Variants in PRKAG2 observed in about 807,000 individuals in gnomAD.
The protein encoded by PRKAG2 is protein kinase AMP-activated non-catalytic subunit gamma 2, also known as 5'-AMP-activated protein kinase subunit gamma-2.
In PRKAG2, 26 loss-of-function variants were observed where a neutral mutation model predicts 69.6. The observed-to-expected ratio is 0.37, with a 90% confidence interval of 0.27 to 0.52. The LOEUF is 0.52. Ranked by LOEUF, PRKAG2 falls within the 20% of genes least tolerant of loss-of-function variation. The pLI, the probability that PRKAG2 is intolerant of heterozygous loss-of-function variation, is 0.90. For missense variants in PRKAG2, 557 were observed against 740.0 expected, an observed-to-expected ratio of 0.75 and a Z score of 2.87; for synonymous variants, 293 against 285.0, an observed-to-expected ratio of 1.03 and a Z score of -0.28.
chr7:151,728,102 G>T (rs143421651), intron 3 of PRKAG2, among the ~76,000 whole-genome samples: 1 of 152,234 alleles, frequency 6.6e-6, no homozygotes, highest in Non-Finnish European at 1.5e-5. Flanking sequence ...CGGGAGGGGA[G>T]ACGCCACCTC....
chr7:151,760,277 C>A (rs1016324737), intron 3 of PRKAG2, among the ~76,000 whole-genome samples: 2 of 152,138 alleles, frequency 1.3e-5, no homozygotes, highest in Non-Finnish European at 2.9e-5. Context: ...TTGCTCTGTT[C>A]CCAGGCTAGA....
chr7:151,590,386 G>A (rs1458499820), intron 6 of PRKAG2, among the ~76,000 whole-genome samples: 4 of 152,242 alleles, frequency 2.6e-5, no homozygotes, highest in African/African-American at 9.6e-5. Flanking sequence ...TGGATGCACA[G>A]GCGGAATTGG....
chr7:151,725,850 G>A (rs1166064659), intron 3 of PRKAG2, among the ~76,000 whole-genome samples: 1 of 152,162 alleles, frequency 6.6e-6, no homozygotes, highest in African/African-American at 2.4e-5. Context: ...CTATGTCACT[G>A]CACCTCGAAA....
chr7:151,751,519 A>ATTTT (rs1340443294), intron 3 of PRKAG2, among the ~76,000 whole-genome samples: 23 of 149,918 alleles, frequency 1.5e-4, no homozygotes, highest in Middle Eastern at 3.5e-3. Context: ...TTATTTATTT[A>ATTTT]TTTTTTTGAG....
intron 3 of PRKAG2, among the ~76,000 whole-genome samples, chr7:151,726,168 TG>T (rs1440163772): frequency 6.6e-6 from 1 of 152,024 alleles, no homozygotes; most frequent in Non-Finnish European, 1.5e-5. Context: ...GCTCAGGACA[TG>T]GGGCGCTGGG....
chr7:151,710,488 G>A (rs962783088), intron 3 of PRKAG2, among the ~76,000 whole-genome samples: 5 of 152,242 alleles, frequency 3.3e-5, no homozygotes, highest in African/African-American at 9.6e-5. Flanking sequence ...GAAGCTCTGC[G>A]GTGACCCCAT....
At chr7:151,744,365 G>A (rs2074126875) in intron 3 of PRKAG2, among the ~76,000 whole-genome samples, 1 of 152,138 alleles carries the variant, frequency 6.6e-6, no homozygotes, top group African/African-American at 2.4e-5. Context: ...TGGTGAATGG[G>A]ACTCTGGGTC....
intron 3 of PRKAG2, among the ~76,000 whole-genome samples, chr7:151,710,657 C>T (rs1027130688): frequency 3.3e-5 from 5 of 152,198 alleles, no homozygotes; most frequent in Admixed American, 1.3e-4. Flanking sequence ...AAGAGGGCAC[C>T]GCTCACACAC....
intron 5 of PRKAG2, among the ~76,000 whole-genome samples, chr7:151,624,653 G>A (rs118070323): frequency 1.4e-4 from 22 of 152,172 alleles, no homozygotes; most frequent in Non-Finnish European, 2.5e-4. Flanking sequence ...TTCCGCAGGC[G>A]AGCCATCCCA....
At chr7:151,731,250 G>A (rs1285107268) in intron 3 of PRKAG2, among the ~76,000 whole-genome samples, 1 of 152,214 alleles carries the variant, frequency 6.6e-6, no homozygotes, top group African/African-American at 2.4e-5. Flanking sequence ...CTCGTCACTT[G>A]TCTAGCGCCT....
At chr7:151,791,143 TC>T (rs1340480343) in intron 1 of PRKAG2, among the ~76,000 whole-genome samples, 1 of 152,012 alleles carries the variant, frequency 6.6e-6, no homozygotes, top group Non-Finnish European at 1.5e-5. Flanking sequence ...GCTGGAAGGC[TC>T]CCCACCCCCA....
At chr7:151,558,952 G>C in intron 15 of PRKAG2, 1 of 985,452 alleles carries the variant, frequency 1.0e-6, no homozygotes, top group Non-Finnish European at 1.2e-6. Flanking sequence ...AATGCCCAAA[G>C]AGACAGACAA....
In PRKAG2 at chr7:151,835,885, T is replaced by C. The variant is rs981356052; in HGVS notation, c.114+40622A>G. The stretch of plus-strand genomic sequence containing the variant: ...CATCTGTCCCACAAAGGGCAGCCTT[T>C]CCGTATTCAAGAGTGGGGTGCAGCT... On this transcript the variant is annotated intron_variant, in intron 1 of 15. Coordinates refer to ENST00000287878, the MANE Select transcript of PRKAG2 (RefSeq NM_016203.4). The surrounding 1 kb of genome is among the most constrained non-coding windows in gnomAD (Gnocchi z 4.1). Among the ~76,000 whole-genome samples, 1 of 152,180 alleles carries C rather than the reference T, an allele frequency of 6.6e-6. No individual in the cohort carries two copies. The highest frequency in any genetic ancestry group is 1.9e-4 in the East Asian group (1 of 5,182).
Position 151,583,935 on chromosome 7 carries a change from G to C in PRKAG2, c.865-7483C>G, listed in dbSNP as rs1811053951. Among the ~76,000 whole-genome samples the C allele has an allele frequency of 6.6e-6, 1 of 152,178 alleles. No homozygotes were observed. Among genetic ancestry groups the C allele is most frequent in the Non-Finnish European group, 1.5e-5 (1 of 68,036 alleles). Reference sequence around the variant, plus strand: ...GAGAACATCTGTGTTCCCCAGAATGGGAAGCTGGTTCCTCTGATGCCTCAC... The same window carrying C: ...GAGAACATCTGTGTTCCCCAGAATGCGAAGCTGGTTCCTCTGATGCCTCAC... On this transcript the variant is annotated intron_variant, in intron 6 of 15. Transcript: ENST00000287878. The surrounding 1 kb of genome is among the most constrained non-coding windows in gnomAD (Gnocchi z 4.1).
At chr7:151,687,788 C>T (rs1834953095) in intron 3 of PRKAG2, among the ~76,000 whole-genome samples, 1 of 152,212 alleles carries the variant, frequency 6.6e-6, no homozygotes, top group Non-Finnish European at 1.5e-5. Context: ...GACCTCATCC[C>T]TGTGGAATGT....
At position 151,772,984 on chromosome 7, in the gene PRKAG2, T is replaced by TGAAAGAAAGAAAGAAA. The variant is rs1257330966; in HGVS notation, c.466+8152_466+8167dup. On this transcript the variant is annotated intron_variant, in intron 3 of 15. Coordinates refer to ENST00000287878, the MANE Select transcript of PRKAG2 (RefSeq NM_016203.4). ...GACAGAGACCCTGTCTCTAAATGAATGAAAGAAAGAAAGAAAGAAAGAAAG... is the reference window on the plus strand; with the variant it reads ...GACAGAGACCCTGTCTCTAAATGAATGAAAGAAAGAAAGAAAGAAAGAAAGAAAGAAAGAAAGAAAG... Among the ~76,000 whole-genome samples, 31 of 71,830 alleles carry TGAAAGAAAGAAAGAAA rather than the reference T, an allele frequency of 4.3e-4. 3 individuals carry two copies. The highest frequency in any genetic ancestry group is 1.3e-3 in the South Asian group (2 of 1,598). 47.1% of individuals were successfully genotyped at this position (71,830 alleles called of 152,430 possible). A position where few individuals can be genotyped will look rare whatever the true frequency, so the allele number is the denominator to read the frequency against.
At chr7:151,821,053 G>GTAGAAGAGAGCCTCCAACCTCACAGA (rs1216334379) in intron 1 of PRKAG2, among the ~76,000 whole-genome samples, 1 of 151,934 alleles carries the variant, frequency 6.6e-6, no homozygotes, top group African/African-American at 2.4e-5. Context: ...CAGAAGGAAA[G>GTAGAAGAGAGCCTCCAACCTCACAGA]CTGTGGAGAC....
rs1837402100 is a variant in PRKAG2, at chr7:151,699,970, A to G, written c.467-24333T>C. On this transcript the variant is annotated intron_variant, in intron 3 of 15. Transcript: ENST00000287878. This position sits in a 1 kb window ranked among gnomAD's most constrained non-coding sequence, Gnocchi z 4.5. ...CCCCCACATTGCAGAAACAGCCTCA[A>G]CAGGAGCCTTGTGTACCTGCCAACA... Among the ~76,000 whole-genome samples, 3 of 152,218 alleles carry G rather than the reference A, an allele frequency of 2.0e-5. No individual in the cohort carries two copies. The highest frequency in any genetic ancestry group is 7.2e-5 in the African/African-American group (3 of 41,458).
At chr7:151,792,861 G>A (rs1000149599) in intron 1 of PRKAG2, among the ~76,000 whole-genome samples, 1 of 152,190 alleles carries the variant, frequency 6.6e-6, no homozygotes, top group Non-Finnish European at 1.5e-5. Flanking sequence ...TGCGTCCGCC[G>A]AGGCCAGGGC....
Sources: gnomAD v4.1 joint callset for allele counts (sites outside exome capture counted in the v4.1 genomes callset) on GRCh38, gnomAD v4.1.1 for gene constraint, Gnocchi (gnomAD v3.1) non-coding constraint, MANE v1.5 for transcripts, NCBI Gene and HGNC (gene_info 2026-07-23, HGNC 2026-07-21) for gene names.